The following ARHGEF10 variants were observed in gnomAD, a reference collection of about 807,000 sequenced individuals.
ARHGEF10 encodes the protein Rho guanine nucleotide exchange factor (GEF) 10.
In ARHGEF10, 140 loss-of-function variants were observed where a neutral mutation model predicts 147.4. The ratio of observed to expected loss-of-function variants is 0.95; its 90% CI spans 0.83 to 1.09. The LOEUF is 1.09. Ranked by LOEUF, ARHGEF10 falls within the 50% of genes least tolerant of loss-of-function variation. The pLI is 0.00. For missense variants in ARHGEF10, 2,222 were observed against 1,752.7 expected (o/e 1.27, Z -4.78); for synonymous variants, 902 against 695.8 (o/e 1.30, Z -4.67).
intron 14 of ARHGEF10, among the ~76,000 whole-genome samples, chr8:1,896,858 G>T (rs1340749833): frequency 1.3e-5 from 2 of 152,222 alleles, no homozygotes; most frequent in East Asian, 1.9e-4. Flanking sequence ...CCCTACCCGA[G>T]GGGGACGCAG....
chr8:1,870,225 T>C (rs1585330606), intron 7 of ARHGEF10: 2 of 143,284 alleles, frequency 1.4e-5, no homozygotes, highest in East Asian at 2.2e-4. Flanking sequence ...GGGAGGATCT[T>C]GTTACCGATT....
chr8:1,950,730 G>GTTTTTTT (rs71211528), intron 27 of ARHGEF10, among the ~76,000 whole-genome samples: 41 of 108,446 alleles, frequency 3.8e-4, no homozygotes, highest in Admixed American at 7.4e-4. Flanking sequence ...TGTTTTTTAG[G>GTTTTTTT]TTTTTTTTTT....
At chr8:1,935,490 G>A (rs988038033) in intron 26 of ARHGEF10, among the ~76,000 whole-genome samples, 1 of 121,828 alleles carries the variant, frequency 8.2e-6, no homozygotes, top group Non-Finnish European at 2.0e-5. Context: ...CTGGTCTTCA[G>A]GGTGCCATTT....
Position 1,885,653 on chromosome 8 carries a change from C to G in ARHGEF10, c.1128C>G (p.Cys376Trp). 4.3e-6 allele frequency: 7 copies of G among 1,613,988 alleles called. No homozygotes were observed. Among genetic ancestry groups the G allele is most frequent in the Non-Finnish European group, 5.9e-6 (7 of 1,180,022 alleles). Reference sequence around the variant, plus strand: ...AGAATTTGTTCATTGATGTTGACTGCAAGCACCCGGAAGCCATCTTGACCC... The same window carrying G: ...AGAATTTGTTCATTGATGTTGACTGGAAGCACCCGGAAGCCATCTTGACCC... ...EEQNLFIDVD[C>W]KHPEAILTPM... The change falls in exon 11 of 29, where the codon TGC (cysteine) becomes TGG (tryptophan). Residue 376 changes from cysteine (C) to tryptophan (W), a missense_variant. Physicochemically the swap from Cys to Trp is radical, Grantham distance 215. Transcript: ENST00000349830.
chr8:1,825,994 T>A, intron 1 of ARHGEF10: 1 of 850,394 alleles, frequency 1.2e-6, no homozygotes, highest in Non-Finnish European at 1.9e-6. Flanking sequence ...TTACTGAGGT[T>A]TACACGTCAT....
intron 7 of ARHGEF10, chr8:1,869,587 A>C (rs2129093725): frequency 2.3e-6 from 1 of 442,564 alleles, no homozygotes; most frequent in Non-Finnish European, 4.2e-6. Flanking sequence ...AAGTAGAGAG[A>C]ATCAGGCAAA....
intron 6 of ARHGEF10, among the ~76,000 whole-genome samples, chr8:1,867,016 CTTTT>C (rs78899210): frequency 7.3e-6 from 1 of 137,856 alleles, no homozygotes; most frequent in Admixed American, 7.3e-5. Flanking sequence ...GTGGGCCTCC[CTTTT>C]TTTTTTTTTT....
intron 26 of ARHGEF10, among the ~76,000 whole-genome samples, chr8:1,938,683 C>G (rs1193030249): frequency 1.3e-5 from 2 of 152,154 alleles, no homozygotes. Context: ...CACTTGTAAT[C>G]CCAGCCACTT....
chr8:1,851,733 T>G (rs1001402533), intron 2 of ARHGEF10, among the ~76,000 whole-genome samples: 10 of 152,008 alleles, frequency 6.6e-5, no homozygotes, highest in African/African-American at 2.4e-4. Flanking sequence ...GGCAACATAG[T>G]GCCACCTCGT....
At chr8:1,857,634 G>GT (rs1354617152) in intron 2 of ARHGEF10, among the ~76,000 whole-genome samples, 1 of 151,884 alleles carries the variant, frequency 6.6e-6, no homozygotes, top group Non-Finnish European at 1.5e-5. Flanking sequence ...TGGCCAGGCT[G>GT]GTCTCAAGCT....
At chr8:1,945,706 G>C in intron 27 of ARHGEF10, 51 bp downstream of exon 27, 1 of 1,610,584 alleles carries the variant, frequency 6.2e-7, no homozygotes, top group Non-Finnish European at 8.5e-7. Flanking sequence ...GGGGACGGAC[G>C]TGGGGGGTGC....
Position 1,957,491 on chromosome 8 carries a change from A to G in ARHGEF10, c.*228A>G. Reference sequence around the variant, plus strand: ...CACTTCTCACGAAGGCAGAAGACTGATGCAATTTTCGAGTAATTGAGTGCA... The same window carrying G: ...CACTTCTCACGAAGGCAGAAGACTGGTGCAATTTTCGAGTAATTGAGTGCA... On this transcript the variant is annotated 3_prime_UTR_variant, in exon 29 of 29. Coordinates refer to ENST00000349830, the MANE Select transcript of ARHGEF10 (RefSeq NM_014629.4). 1.5e-6 allele frequency: 1 copy of G among 657,288 alleles called. No homozygotes were observed. Among genetic ancestry groups the G allele is most frequent in the South Asian group, 2.0e-5 (1 of 50,904 alleles). The allele number at this position is 657,288 out of a possible 1,614,324, so 40.7% of individuals were successfully genotyped here. A position where few individuals can be genotyped will look rare whatever the true frequency, so the allele number is the denominator to read the frequency against.
rs914946633 is a variant in ARHGEF10, at chr8:1,903,573, C to G, written c.1821+122C>G. 1.9e-5 allele frequency: 26 copies of G among 1,339,686 alleles called. No homozygotes were observed. In the Admixed American group the frequency reaches 4.3e-4, roughly 22 times the overall value. 83.0% of individuals were successfully genotyped at this position (1,339,686 alleles called of 1,614,324 possible). A position where few individuals can be genotyped will look rare whatever the true frequency, so the allele number is the denominator to read the frequency against. ...GGAGTAATTCCCTTCGCCCAGAGTTCTTAACCGGGGTGGATGGAGGCCTTC... is the reference window on the plus strand; with the variant it reads ...GGAGTAATTCCCTTCGCCCAGAGTTGTTAACCGGGGTGGATGGAGGCCTTC... On this transcript the variant is annotated intron_variant, in intron 16 of 28. Transcript: ENST00000349830.
At chr8:1,950,234 C>G (rs189590985) in intron 27 of ARHGEF10, among the ~76,000 whole-genome samples, 1 of 152,226 alleles carries the variant, frequency 6.6e-6, no homozygotes, top group African/African-American at 2.4e-5. Context: ...ATCTGGGACA[C>G]GCCCTGCTGT....
At chr8:1,900,331 C>G (rs940400198) in intron 15 of ARHGEF10, among the ~76,000 whole-genome samples, 3 of 152,196 alleles carry the variant, frequency 2.0e-5, no homozygotes, top group Admixed American at 2.0e-4. Flanking sequence ...ACGTTTCCAT[C>G]CACCTTCAGC....
Position 1,864,303 on chromosome 8 carries a change from G to C in ARHGEF10, c.482-70G>C, listed in dbSNP as rs1314404327. The C allele has an allele frequency of 2.0e-6, 3 of 1,489,874 alleles. No individual in the cohort carries two copies. In the African/African-American group the frequency reaches 4.2e-5, roughly 21 times the overall value. The allele number at this position is 1,489,874 out of a possible 1,614,324, so 92.3% of individuals were successfully genotyped here. ...GGAAAGTGTGAAACCATTTTTAAGG[G>C]TAAAAACATCAACTTCATGAGCATT... On this transcript the variant is annotated intron_variant, in intron 4 of 28. Coordinates refer to ENST00000349830, the MANE Select transcript of ARHGEF10 (RefSeq NM_014629.4).
chr8:1,863,613 G>A (rs1358569632), intron 4 of ARHGEF10, among the ~76,000 whole-genome samples: 1 of 152,158 alleles, frequency 6.6e-6, no homozygotes, highest in Non-Finnish European at 1.5e-5. Flanking sequence ...CACCCACGCA[G>A]TACAGCCATC....
At position 1,888,162 on chromosome 8, in the gene ARHGEF10, G is replaced by A. The variant is rs1214315701; in HGVS notation, c.1182+2455G>A. ...GGAGACACTTAGTGGGGCGAGGGTT[G>A]CGAGGAGACAGTGAGTGGGGTGAGG... is the stretch of plus-strand genomic sequence containing the variant. On this transcript the variant is annotated intron_variant, in intron 11 of 28. Transcript: ENST00000349830. Among the ~76,000 whole-genome samples, 6 of 68,902 alleles carry A rather than the reference G, an allele frequency of 8.7e-5. 2 individuals are homozygous for A. In the East Asian group the frequency reaches 1.2e-3, roughly 14 times the overall value. 45.2% of individuals were successfully genotyped at this position (68,902 alleles called of 152,430 possible).
At chr8:1,833,381 G>C (rs1386233635) in intron 1 of ARHGEF10, among the ~76,000 whole-genome samples, 2 of 143,876 alleles carry the variant, frequency 1.4e-5, no homozygotes, top group African/African-American at 5.3e-5. Context: ...GACAGAGGCA[G>C]GTGCAGCGAC....
Sources: allele counts gnomAD v4.1 joint callset (sites outside exome capture counted in the v4.1 genomes callset), GRCh38; gene constraint gnomAD v4.1.1; transcripts MANE v1.5; gene names NCBI Gene and HGNC (gene_info 2026-07-23, HGNC 2026-07-21).